PCMT1: variants seen among roughly 807,000 people sequenced by gnomAD.
The protein encoded by PCMT1 is protein-L-isoaspartate(D-aspartate) O-methyltransferase.
In PCMT1, 9 loss-of-function variants were observed where a neutral mutation model predicts 29.2. That is an observed-to-expected ratio of 0.31 (90% CI 0.19 to 0.54). PCMT1 has a LOEUF of 0.54. Ranked by LOEUF, PCMT1 falls within the 20% of genes least tolerant of loss-of-function variation. PCMT1 has a pLI of 0.95. For synonymous variants in PCMT1, 98 were observed against 97.5 expected (o/e 1.00, Z -0.03); for missense variants, 184 against 282.2 (o/e 0.65, Z 2.49).
intron 3 of PCMT1, among the ~76,000 whole-genome samples, chr6:149,783,352 C>T (rs1024354616): frequency 4.6e-5 from 7 of 152,008 alleles, no homozygotes; most frequent in Admixed American, 3.3e-4. Context: ...AGCCTGGTCT[C>T]GAACTCTTGA....
intron 7 of PCMT1, chr6:149,802,665 C>A: frequency 3.9e-6 from 1 of 259,684 alleles, no homozygotes; most frequent in Non-Finnish European, 6.8e-6. Context: ...CAATTCAGTA[C>A]TTTGTAAGGA....
At chr6:149,750,077 G>C in intron 1 of PCMT1, 121 bp downstream of exon 1, 1 of 1,362,952 alleles carries the variant, frequency 7.3e-7, no homozygotes, top group Non-Finnish European at 9.7e-7. Context: ...CTTCGGCGCA[G>C]AGTTGCCCCG....
intron 6 of PCMT1, chr6:149,798,932 C>G (rs1005253615): frequency 1.3e-5 from 2 of 152,138 alleles, no homozygotes; most frequent in African/African-American, 4.8e-5. Flanking sequence ...AACTGATGGA[C>G]ATAATTCTAA....
chr6:149,778,229 T>A (rs1008777676), intron 3 of PCMT1, among the ~76,000 whole-genome samples: 6 of 150,670 alleles, frequency 4.0e-5, no homozygotes, highest in Middle Eastern at 3.2e-3. Flanking sequence ...ATTTTAATTT[T>A]TTATTATTAT....
At chr6:149,805,372 T>C (rs957397992) in intron 7 of PCMT1, among the ~76,000 whole-genome samples, 1 of 151,520 alleles carries the variant, frequency 6.6e-6, no homozygotes, top group Admixed American at 6.6e-5. Context: ...GGCGGGCAGA[T>C]CACAAGGTCA....
In PCMT1 at chr6:149,793,620, C is replaced by T; in HGVS notation, c.369C>T (p.Val123=). 6.4e-7 allele frequency: 1 copy of T among 1,568,694 alleles called. No individual in the cohort carries two copies. Among genetic ancestry groups the T allele is most frequent in the South Asian group, 1.2e-5 (1 of 82,412 alleles). ...KELVDDSVNN[V]RKDDPTLLSS... ...TAGTAGATGACTCAGTAAATAATGT[C>T]AGGAAGGACGATCCAACACTTCTGT... The change falls in exon 5 of 8, where the codon GTC becomes GTT. Residue 123 remains valine (V), a synonymous_variant. Transcript: ENST00000464889.
chr6:149,795,980 T>C (rs1471901574), intron 5 of PCMT1, among the ~76,000 whole-genome samples: 1 of 152,196 alleles, frequency 6.6e-6, no homozygotes, highest in Non-Finnish European at 1.5e-5. Context: ...TATTATCCAG[T>C]CTGCCTTATC....
chr6:149,770,391 G>GT (rs1449682072), intron 1 of PCMT1, among the ~76,000 whole-genome samples: 1 of 152,044 alleles, frequency 6.6e-6, no homozygotes, highest in African/African-American at 2.4e-5. Flanking sequence ...TATCCTTCTA[G>GT]TTTTCTGTGT....
chr6:149,805,030 C>T (rs1775965415), intron 7 of PCMT1, among the ~76,000 whole-genome samples: 1 of 151,962 alleles, frequency 6.6e-6, no homozygotes, highest in Non-Finnish European at 1.5e-5. Flanking sequence ...TCACTTGAGG[C>T]CAGAAGTTCA....
intron 6 of PCMT1, among the ~76,000 whole-genome samples, chr6:149,798,766 C>T (rs566374039): frequency 6.6e-6 from 1 of 152,316 alleles, no homozygotes; most frequent in Admixed American, 6.5e-5. Flanking sequence ...TATGCATACG[C>T]AGTTTGCACT....
intron 3 of PCMT1, among the ~76,000 whole-genome samples, chr6:149,773,980 T>TTTTATTTA (rs961497520): frequency 6.6e-6 from 1 of 151,918 alleles, no homozygotes; most frequent in South Asian, 2.1e-4. Flanking sequence ...TTTTCTTGGG[T>TTTTATTTA]TTTATTTATT....
At chr6:149,810,259 A>G (rs955720574) in intron 7 of PCMT1, 7 of 180,524 alleles carry the variant, frequency 3.9e-5, no homozygotes, top group African/African-American at 1.4e-4. Context: ...CTATCAACTC[A>G]TTTGAACTCT....
At chr6:149,761,206 T>C (rs1786726318) in intron 1 of PCMT1, among the ~76,000 whole-genome samples, 1 of 150,782 alleles carries the variant, frequency 6.6e-6, no homozygotes, top group Non-Finnish European at 1.5e-5. Context: ...TAAAATTTTA[T>C]CACTATGAAA....
At chr6:149,803,077 AAAAAAC>A (rs1562425867) in intron 7 of PCMT1, among the ~76,000 whole-genome samples, 9 of 135,756 alleles carry the variant, frequency 6.6e-5, no homozygotes, top group African/African-American at 2.2e-4. Flanking sequence ...AAAAAAAAAA[AAAAAAC>A]AAGGGGCCAT....
Position 149,753,402 on chromosome 6 carries a change from A to G in PCMT1, c.55+3446A>G, listed in dbSNP as rs141549752. 3.5e-3 allele frequency among the ~76,000 whole-genome samples: 525 copies of G among 151,760 alleles called. 3 individuals carry two copies. Among genetic ancestry groups the G allele is most frequent in the African/African-American group, 0.012 (498 of 41,392 alleles). On this transcript the variant is annotated intron_variant, in intron 1 of 7. Coordinates refer to ENST00000464889, the MANE Select transcript of PCMT1 (RefSeq NM_001360452.2). ...GGCTGGAGTGCAATGGCACGATCTCAGCTCACCACAACCTCTGCTTCCCAG... is the reference window on the plus strand; with the variant it reads ...GGCTGGAGTGCAATGGCACGATCTCGGCTCACCACAACCTCTGCTTCCCAG...
chr6:149,780,544 C>T (rs1273467787), intron 3 of PCMT1, among the ~76,000 whole-genome samples: 2 of 152,142 alleles, frequency 1.3e-5, no homozygotes, highest in Middle Eastern at 3.2e-3. Context: ...CTGGCAACTA[C>T]TAATCTATTA....
chr6:149,787,880 T>C (rs1788190548), intron 3 of PCMT1, among the ~76,000 whole-genome samples: 1 of 152,000 alleles, frequency 6.6e-6, no homozygotes. Context: ...TTCTGAGCTC[T>C]TTGAGGGTAA....
upstream of PCMT1, chr6:149,749,696 C>A (rs557649014): frequency 2.7e-6 from 4 of 1,476,840 alleles, no homozygotes; most frequent in East Asian, 8.0e-5. Context: ...CTAAGCCGCG[C>A]GGCGTCACAG....
Position 149,791,680 on chromosome 6 carries a change from A to G in PCMT1, c.297+1622A>G, listed in dbSNP as rs532660691. Among the ~76,000 whole-genome samples, 3 of 152,330 alleles carry G rather than the reference A, an allele frequency of 2.0e-5. 1 individual carries two copies. Among genetic ancestry groups the G allele is most frequent in the South Asian group, 4.1e-4 (2 of 4,830 alleles). On this transcript the variant is annotated intron_variant, in intron 4 of 7. Coordinates refer to ENST00000464889, the MANE Select transcript of PCMT1 (RefSeq NM_001360452.2). ...CTAAAACAATGCCTGGCACATAATA[A>G]GGACTCATATTTTCTCAGATGTTTT...
Sources: gnomAD v4.1 joint callset for allele counts (sites outside exome capture counted in the v4.1 genomes callset) on GRCh38, gnomAD v4.1.1 for gene constraint, MANE v1.5 for transcripts, NCBI Gene and HGNC (gene_info 2026-07-23, HGNC 2026-07-21) for gene names.